KSR1: variants seen among roughly 807,000 people sequenced by gnomAD.
KSR1 encodes the protein kinase suppressor of ras.
KSR1 carries 35 observed loss-of-function variants against 92.9 expected under a neutral mutation model. The ratio of observed to expected loss-of-function variants is 0.38; its 90% CI spans 0.29 to 0.50. The LOEUF (loss-of-function observed/expected upper bound fraction) is 0.50, where lower values mean the gene tolerates loss of function less well. KSR1 is among the 20% of genes least tolerant of loss of function. The pLI, the probability that KSR1 is intolerant of heterozygous loss-of-function variation, is 0.94. For missense variants in KSR1, 972 were observed against 1,158.5 expected (o/e 0.84, Z 2.34); for synonymous variants, 467 against 472.6 (o/e 0.99, Z 0.15).
At chr17:27,505,669 G>A (rs1471090925) in intron 1 of KSR1, among the ~76,000 whole-genome samples, 1 of 152,184 alleles carries the variant, frequency 6.6e-6, no homozygotes, top group African/African-American at 2.4e-5. Flanking sequence ...GTTATTGTGC[G>A]TCTTAAATAA....
chr17:27,576,449 T>A (rs1417057637), intron 2 of KSR1, among the ~76,000 whole-genome samples: 1 of 152,192 alleles, frequency 6.6e-6, no homozygotes, highest in Non-Finnish European at 1.5e-5. Flanking sequence ...ATAATGAAAG[T>A]TACAGGAATG....
intron 3 of KSR1, among the ~76,000 whole-genome samples, chr17:27,581,189 G>A (rs1007254355): frequency 1.3e-5 from 2 of 152,028 alleles, no homozygotes; most frequent in Admixed American, 1.3e-4. Flanking sequence ...AGAGCGAGAG[G>A]GGGCAGGGAG....
intron 2 of KSR1, among the ~76,000 whole-genome samples, chr17:27,553,547 TG>T (rs2071480538): frequency 6.6e-6 from 1 of 152,052 alleles, no homozygotes; most frequent in Non-Finnish European, 1.5e-5. Flanking sequence ...CTGGAGTGGA[TG>T]GGGAGCAGGA....
chr17:27,527,404 C>T lies in KSR1; in HGVS notation c.232-23164C>T, dbSNP rs1184348949. 7.9e-5 allele frequency among the ~76,000 whole-genome samples: 9 copies of T among 114,334 alleles called. No homozygotes were observed. In the South Asian group the frequency reaches 3.0e-3, roughly 39 times the overall value. 75.0% of individuals were successfully genotyped at this position (114,334 alleles called of 152,430 possible). On this transcript the variant is annotated intron_variant, in intron 1 of 20. Transcript: ENST00000644974. The stretch of plus-strand genomic sequence containing the variant: ...AGTGGCACACCCGCCCCCCCCCCCC[C>T]CTTTTTTTTCTTTTTTGAGACAAAG...
chr17:27,553,724 G>A (rs917377575), intron 2 of KSR1, among the ~76,000 whole-genome samples: 13 of 152,222 alleles, frequency 8.5e-5, no homozygotes, highest in African/African-American at 3.1e-4. Context: ...CAAATCTCAT[G>A]TCAGTTCCTG....
At chr17:27,537,615 G>A (rs1035696455) in intron 1 of KSR1, among the ~76,000 whole-genome samples, 3 of 152,102 alleles carry the variant, frequency 2.0e-5, no homozygotes, top group African/African-American at 4.8e-5. Context: ...GCTTGAACCC[G>A]GGAGGCGGAG....
At chr17:27,514,358 A>G (rs2069710828) in intron 1 of KSR1, among the ~76,000 whole-genome samples, 1 of 152,198 alleles carries the variant, frequency 6.6e-6, no homozygotes, top group African/African-American at 2.4e-5. Flanking sequence ...TTGGCTATAT[A>G]TTTCAGAAAA....
At chr17:27,604,637 G>C in intron 12 of KSR1, 43 bp from the exon 13 acceptor site, 1 of 1,584,992 alleles carries the variant, frequency 6.3e-7, no homozygotes, top group South Asian at 1.1e-5. Context: ...AGAGCAGAGC[G>C]GTGTTCCTCA....
chr17:27,514,077 C>T (rs2069701200), intron 1 of KSR1, among the ~76,000 whole-genome samples: 1 of 152,228 alleles, frequency 6.6e-6, no homozygotes, highest in Admixed American at 6.5e-5. Flanking sequence ...ACGCCTTTGC[C>T]ATAAAGCACT....
chr17:27,501,997 G>T (rs1597893822), intron 1 of KSR1, among the ~76,000 whole-genome samples: 1 of 152,268 alleles, frequency 6.6e-6, no homozygotes, highest in East Asian at 1.9e-4. Flanking sequence ...GGTGGACTGT[G>T]CCAGGTACTG....
At chr17:27,515,419 C>T (rs541438748) in intron 1 of KSR1, among the ~76,000 whole-genome samples, 3 of 152,072 alleles carry the variant, frequency 2.0e-5, no homozygotes, top group Admixed American at 6.5e-5. Flanking sequence ...TTTCTCAGAA[C>T]GTATTTCTGT....
intron 1 of KSR1, among the ~76,000 whole-genome samples, chr17:27,489,581 G>A (rs1407874689): frequency 1.3e-5 from 2 of 152,156 alleles, no homozygotes; most frequent in Admixed American, 1.3e-4. Context: ...CCATCCGTGT[G>A]TACAAAAGTT....
At chr17:27,528,230 C>G (rs2070392112) in intron 1 of KSR1, among the ~76,000 whole-genome samples, 1 of 152,044 alleles carries the variant, frequency 6.6e-6, no homozygotes, top group African/African-American at 2.4e-5. Context: ...CCATGCCTGG[C>G]TAATTTTTGT....
At chr17:27,621,380 T>G (rs2074219128) in intron 20 of KSR1, 107 bp downstream of exon 20, 6 of 396,602 alleles carry the variant, frequency 1.5e-5, no homozygotes, top group Non-Finnish European at 2.2e-5. Context: ...CTTTGTGTCA[T>G]TTATTCTCGC....
chr17:27,621,985 C>T, intron 20 of KSR1: 1 of 1,594,446 alleles, frequency 6.3e-7, no homozygotes. Context: ...TAATCAACAA[C>T]TCAGCACCGT....
chr17:27,524,571 C>G (rs1011332228), intron 1 of KSR1, among the ~76,000 whole-genome samples: 2 of 152,134 alleles, frequency 1.3e-5, no homozygotes, highest in African/African-American at 4.8e-5. Context: ...AAGTACAGGC[C>G]GGTGGCCTCC....
At chr17:27,490,374 C>A (rs2068785216) in intron 1 of KSR1, among the ~76,000 whole-genome samples, 1 of 152,028 alleles carries the variant, frequency 6.6e-6, no homozygotes, top group African/African-American at 2.4e-5. Context: ...TACATAAAAC[C>A]ATTTTATCTT....
chr17:27,546,006 T>A (rs1427053718), intron 1 of KSR1, among the ~76,000 whole-genome samples: 1 of 152,240 alleles, frequency 6.6e-6, no homozygotes, highest in African/African-American at 2.4e-5. Flanking sequence ...CTGCTGCTTT[T>A]AGTGCCAGCA....
chr17:27,587,746 G>C (rs1287035034), intron 5 of KSR1: 1 of 152,438 alleles, frequency 6.6e-6, no homozygotes, highest in Non-Finnish European at 1.5e-5. Flanking sequence ...CACTAGGGAT[G>C]CCTGTTCTTA....
Sources: gnomAD v4.1 joint callset for allele counts (sites outside exome capture counted in the v4.1 genomes callset) on GRCh38, gnomAD v4.1.1 for gene constraint, MANE v1.5 for transcripts, NCBI Gene and HGNC (gene_info 2026-07-23, HGNC 2026-07-21) for gene names.